Variants in DZANK1 observed in about 807,000 individuals in gnomAD.
DZANK1 encodes double zinc ribbon and ankyrin repeat-containing protein 1.
DZANK1 carries 91 observed loss-of-function variants against 94.5 expected under a neutral mutation model. The ratio of observed to expected loss-of-function variants is 0.96; its 90% CI spans 0.81 to 1.15. The LOEUF is 1.15. DZANK1 is among the 50% of genes most tolerant of loss of function. The pLI, the probability that DZANK1 is intolerant of heterozygous loss-of-function variation, is 0.00. For synonymous variants in DZANK1, 312 were observed against 325.3 expected, an observed-to-expected ratio of 0.96 and a Z score of 0.44; for missense variants, 903 against 916.4, an observed-to-expected ratio of 0.99 and a Z score of 0.19.
chr20:18,444,461 T>G (rs1400171867), intron 7 of DZANK1, among the ~76,000 whole-genome samples: 2 of 152,232 alleles, frequency 1.3e-5, no homozygotes, highest in Non-Finnish European at 2.9e-5. Context: ...AGAGAAGAGC[T>G]GCAGGGAGAG....
chr20:18,394,463 CA>C, intron 15 of DZANK1, 113 bp from the exon 16 acceptor site: 1 of 1,024,698 alleles, frequency 9.8e-7, no homozygotes, highest in Non-Finnish European at 1.5e-6. Flanking sequence ...TCTACCTACC[CA>C]GAGAGTGGAG....
intron 4 of DZANK1, among the ~76,000 whole-genome samples, chr20:18,454,947 C>A (rs1601155223): frequency 6.6e-6 from 1 of 152,182 alleles, no homozygotes; most frequent in Non-Finnish European, 1.5e-5. Context: ...AGGGCAGAAA[C>A]TGATGACTTG....
chr20:18,428,118 AC>A (rs2058129388), intron 9 of DZANK1, among the ~76,000 whole-genome samples: 1 of 148,580 alleles, frequency 6.7e-6, no homozygotes, highest in Non-Finnish European at 1.5e-5. Context: ...GCCACTGCAC[AC>A]CAGCCTGGGT....
chr20:18,443,439 G>T (rs1175618258), exon 8 of DZANK1: 1 of 1,499,812 alleles, frequency 6.7e-7, no homozygotes, highest in Middle Eastern at 1.8e-4. Context: ...GGATCTGATG[G>T]CCGGGGGGCA....
intron 13 of DZANK1, among the ~76,000 whole-genome samples, chr20:18,403,793 T>C (rs1357528132): frequency 1.4e-5 from 2 of 141,228 alleles, no homozygotes; most frequent in Non-Finnish European, 3.1e-5. Context: ...ACTAACTTTC[T>C]TTCTTTTTTT....
intron 8 of DZANK1, among the ~76,000 whole-genome samples, chr20:18,437,904 C>T (rs964681142): frequency 1.8e-4 from 27 of 152,050 alleles, no homozygotes; most frequent in African/African-American, 6.3e-4. Flanking sequence ...TAAAATGGCA[C>T]ACTAAAAGTA....
rs1302859145 is a variant in DZANK1 at position 18,460,217 on chromosome 20, T to C, written c.199A>G (p.Lys67Glu). ...GGCAGAGTAATAGGTTTTATATACTTAAATGTGTTATTTTCCCCATAACCA... is the reference window on the plus strand; with the variant it reads ...GGCAGAGTAATAGGTTTTATATACTCAAATGTGTTATTTTCCCCATAACCA... Residue 67 changes from lysine (K) to glutamate (E), a missense_variant, in exon 3 of 21, where the codon AAG (lysine) becomes GAG (glutamate). Lys to Glu is a moderately conservative substitution (Grantham distance 56). Transcript: ENST00000262547. 2 of 1,595,090 alleles carry C rather than the reference T, an allele frequency of 1.3e-6. No homozygotes were observed. Among genetic ancestry groups the C allele is most frequent in the East Asian group, 4.5e-5 (2 of 44,716 alleles).
chr20:18,429,715 A>C (rs77984118), intron 9 of DZANK1, among the ~76,000 whole-genome samples: 18 of 152,302 alleles, frequency 1.2e-4, no homozygotes, highest in Non-Finnish European at 2.2e-4. Context: ...GGTCTACTTT[A>C]CTGCGTCAGG....
rs1255236748 is a variant in DZANK1, at chr20:18,433,457, A to C, written c.861+195T>G. ...CTCAGGAGGCTGAGGCAGGAGAATC[A>C]CTTGAACTGAGGAGGCGGAGGTTGC... On this transcript the variant is annotated intron_variant, in intron 9 of 20. Transcript: ENST00000262547. The C allele has an allele frequency of 3.2e-5, 17 of 534,724 alleles. No individual in the cohort carries two copies. In the East Asian group the frequency reaches 5.8e-4, roughly 18 times the overall value. 33.1% of individuals were successfully genotyped at this position (534,724 alleles called of 1,614,324 possible).
At chr20:18,384,496 C>G in exon 21 of DZANK1, 1 of 1,612,088 alleles carries the variant, frequency 6.2e-7, no homozygotes, top group Non-Finnish European at 8.5e-7. Flanking sequence ...AAGGTCATCT[C>G]CAGTGTTCAG....
chr20:18,463,586 A>G (rs911908564), intron 2 of DZANK1, among the ~76,000 whole-genome samples: 4 of 152,196 alleles, frequency 2.6e-5, no homozygotes, highest in African/African-American at 7.2e-5. Context: ...AATTGTGAAA[A>G]CTATTTATTT....
chr20:18,442,642 T>C (rs1333120266), intron 8 of DZANK1, among the ~76,000 whole-genome samples: 2 of 152,236 alleles, frequency 1.3e-5, no homozygotes, highest in Admixed American at 1.3e-4. Flanking sequence ...TCTAAAACTC[T>C]GGACTTGGAA....
chr20:18,415,574 G>A, intron 10 of DZANK1, 125 bp from the exon 11 acceptor site: 2 of 1,138,942 alleles, frequency 1.8e-6, no homozygotes, highest in South Asian at 4.1e-5. Flanking sequence ...TTTTTGTTTT[G>A]TTTTGTTTTG....
In DZANK1 at chr20:18,415,246, G is replaced by A. The variant is rs527418215; in HGVS notation, c.1077+81C>T. ...AAATCACAAGAAGTGATTTCTGCAA[G>A]GCCATGGAAGAAGTGCCTGGCTCTC... On this transcript the variant is annotated intron_variant, in intron 11 of 20. Coordinates refer to ENST00000262547, the Ensembl canonical transcript of DZANK1. The A allele has an allele frequency of 7.6e-5, 99 of 1,310,086 alleles. No individual in the cohort carries two copies. In the African/African-American group the frequency reaches 1.4e-3, roughly 18 times the overall value. The allele number at this position is 1,310,086 out of a possible 1,614,324, so 81.2% of individuals were successfully genotyped here.
At chr20:18,426,991 G>T in intron 10 of DZANK1, 76 bp downstream of exon 10, 2 of 1,123,112 alleles carry the variant, frequency 1.8e-6, no homozygotes, top group Non-Finnish European at 2.5e-6. Flanking sequence ...CCCCTCGGCA[G>T]ATTCTGTTTC....
intron 11 of DZANK1, 43 bp downstream of exon 11, chr20:18,415,284 G>A: frequency 7.1e-7 from 1 of 1,417,032 alleles, no homozygotes. Context: ...CAGGCCAGTG[G>A]TGAGGTGCTC....
chr20:18,420,126 T>G (rs1166604624), intron 10 of DZANK1: 1 of 168,366 alleles, frequency 5.9e-6, no homozygotes, highest in African/African-American at 2.4e-5. Context: ...ATTTTGTGCA[T>G]CCTTCTTCTT....
At chr20:18,447,882 T>C (rs2058937081) in intron 7 of DZANK1, among the ~76,000 whole-genome samples, 1 of 152,162 alleles carries the variant, frequency 6.6e-6, no homozygotes, top group Non-Finnish European at 1.5e-5. Flanking sequence ...GAAAGCAGAT[T>C]GGCAGTTTCT....
At chr20:18,396,945 T>C (rs1430948116) in intron 14 of DZANK1, among the ~76,000 whole-genome samples, 1 of 152,192 alleles carries the variant, frequency 6.6e-6, no homozygotes, top group Non-Finnish European at 1.5e-5. Context: ...AAGGGACAAG[T>C]ATCACAGTTG....
Sources: allele counts gnomAD v4.1 joint callset (sites outside exome capture counted in the v4.1 genomes callset), GRCh38; gene constraint gnomAD v4.1.1; transcripts MANE v1.5; gene names NCBI Gene and HGNC (gene_info 2026-07-23, HGNC 2026-07-21).